Variants in HSP90AA1 observed in about 807,000 individuals in gnomAD.
HSP90AA1 encodes heat shock protein 90 alpha family class A member 1, also known as heat shock protein HSP 90-alpha.
Under a neutral mutation model 73.3 loss-of-function variants are expected in HSP90AA1, and 18 were observed. That is an observed-to-expected ratio of 0.25 (90% CI 0.17 to 0.36). The LOEUF (loss-of-function observed/expected upper bound fraction) is 0.36, where lower values mean the gene tolerates loss of function less well. Among genes scored for constraint, HSP90AA1 ranks in the 10% least tolerant of loss-of-function variants. The pLI is 1.00. For missense variants in HSP90AA1, 704 were observed against 874.2 expected, an observed-to-expected ratio of 0.81 and a Z score of 2.45; for synonymous variants, 477 against 296.9, an observed-to-expected ratio of 1.61 and a Z score of -6.24.
At chr14:102,085,653 G>A in intron 3 of HSP90AA1, 105 bp downstream of exon 3, 2 of 1,541,208 alleles carry the variant, frequency 1.3e-6, no homozygotes, top group Non-Finnish European at 1.8e-6. Flanking sequence ...CTGATCGTTG[G>A]GCAAACACAA....
chr14:102,114,231 C>A (rs368402886), intron 1 of HSP90AA1, among the ~76,000 whole-genome samples: 1 of 150,774 alleles, frequency 6.6e-6, no homozygotes, highest in Non-Finnish European at 1.5e-5. Context: ...TCAAGTGATC[C>A]GCCCACCTCG....
chr14:102,124,249 T>G (rs2049814621), intron 1 of HSP90AA1, among the ~76,000 whole-genome samples: 1 of 139,392 alleles, frequency 7.2e-6, no homozygotes, highest in Admixed American at 8.2e-5. Context: ...TGGAGCACAA[T>G]GGCACGATCT....
intron 1 of HSP90AA1, among the ~76,000 whole-genome samples, chr14:102,134,209 A>T (rs747632500): frequency 6.7e-6 from 1 of 149,994 alleles, no homozygotes; most frequent in Non-Finnish European, 1.5e-5. Flanking sequence ...ACGGTGGCAC[A>T]TGCCTGCAGT....
In HSP90AA1 at chr14:102,085,385, T is replaced by G. The variant is rs78712166; in HGVS notation, c.576A>C (p.Glu192Asp). Reference sequence around the variant, plus strand: ...GTTCCTCCAAGTACTCAGTTTGGTCTTCTTTCAGGTGTAGGATAACTTTTG... The same window carrying G: ...GTTCCTCCAAGTACTCAGTTTGGTCGTCTTTCAGGTGTAGGATAACTTTTG... ...RGTKVILHLK[E>D]DQTEYLEERR... is the part of the protein sequence containing the mutation. The change falls in exon 4 of 11, where the codon GAA (glutamate) becomes GAC (aspartate). Residue 192 changes from glutamate to aspartate, a missense_variant. Transcript: ENST00000216281. The G allele has an allele frequency of 1.5e-5, 24 of 1,613,782 alleles. No homozygotes were observed. The Admixed American group carries it at 3.2e-4, about 21-fold the overall frequency.
At chr14:102,086,167 G>T (rs375331357) in intron 2 of HSP90AA1, 43 bp from the exon 3 acceptor site, 3 of 1,603,714 alleles carry the variant, frequency 1.9e-6, no homozygotes, top group South Asian at 1.1e-5. Flanking sequence ...GCACCCCCAA[G>T]AAGTTCACAC....
intron 1 of HSP90AA1, among the ~76,000 whole-genome samples, chr14:102,128,677 C>A (rs985891566): frequency 2.0e-5 from 3 of 151,106 alleles, no homozygotes; most frequent in Non-Finnish European, 2.9e-5. Flanking sequence ...TGGTGCATGC[C>A]TGTAGTACCA....
At chr14:102,111,243 G>T (rs891678629) in intron 1 of HSP90AA1, among the ~76,000 whole-genome samples, 4 of 152,216 alleles carry the variant, frequency 2.6e-5, no homozygotes, top group African/African-American at 9.6e-5. Context: ...CACAGGCTTG[G>T]AGGCCTAGAA....
chr14:102,095,958 T>A (rs2049418752), intron 2 of HSP90AA1, among the ~76,000 whole-genome samples: 1 of 152,180 alleles, frequency 6.6e-6, no homozygotes, highest in South Asian at 2.1e-4. Flanking sequence ...TCTCTTGGTA[T>A]TCAAATCCCA....
At chr14:102,110,212 T>G (rs568463695) in intron 1 of HSP90AA1, among the ~76,000 whole-genome samples, 1 of 151,896 alleles carries the variant, frequency 6.6e-6, no homozygotes, top group African/African-American at 2.4e-5. Context: ...GGATTACAGG[T>G]GTGAGCCACC....
At chr14:102,086,842 CG>C in intron 1 of HSP90AA1, 143 bp downstream of exon 1, 1 of 327,694 alleles carries the variant, frequency 3.1e-6, no homozygotes, top group Non-Finnish European at 4.4e-6. Flanking sequence ...CCGAGGCCTC[CG>C]GAATAGAAAG....
At chr14:102,082,922 C>G (rs375036475) in intron 9 of HSP90AA1, 112 bp downstream of exon 9, 2 of 1,162,914 alleles carry the variant, frequency 1.7e-6, no homozygotes, top group East Asian at 2.3e-5. Flanking sequence ...CCCAGCCACA[C>G]ACAACATAGT....
intron 2 of HSP90AA1, chr14:102,101,734 G>T: frequency 1.4e-6 from 1 of 719,102 alleles, no homozygotes; most frequent in South Asian, 1.6e-5. Context: ...TCAATGCAGT[G>T]GATGGGTAGG....
intron 4 of HSP90AA1, 141 bp downstream of exon 4, chr14:102,085,157 G>A (rs566769589): frequency 4.1e-5 from 59 of 1,453,760 alleles, no homozygotes; most frequent in African/African-American, 5.6e-5. Context: ...ATAGCCCGAG[G>A]AACTTTTACA....
intron 2 of HSP90AA1, among the ~76,000 whole-genome samples, chr14:102,100,984 A>G (rs77942115): frequency 0.023 from 3,519 of 152,282 alleles, 80 homozygotes; most frequent in South Asian, 0.1. Flanking sequence ...GCTTCTAGTC[A>G]GTATTTTAGT....
intron 1 of HSP90AA1, among the ~76,000 whole-genome samples, chr14:102,103,028 A>C (rs2049514883): frequency 6.6e-6 from 1 of 151,888 alleles, no homozygotes; most frequent in Non-Finnish European, 1.5e-5. Context: ...AAAATACAAA[A>C]AAATTAGCCA....
rs35538974 is a variant in HSP90AA1 at position 102,139,571 on chromosome 14, G to A, written c.-167C>T. 1,088 of 749,528 alleles carry A rather than the reference G, an allele frequency of 1.5e-3. 11 individuals carry two copies. The African/African-American group carries it at 0.016, about 11-fold the overall frequency. 46.4% of individuals were successfully genotyped at this position (749,528 alleles called of 1,614,324 possible). A position where few individuals can be genotyped will look rare whatever the true frequency, so the allele number is the denominator to read the frequency against. ...AGGCTCATGACACCAGCCCCGCCGC[G>A]GTTCCCCCTGACCGGCTTTCCGCTG... On this transcript the variant is annotated 5_prime_UTR_variant, in exon 1 of 12. Coordinates refer to the HSP90AA1 transcript ENST00000334701.
At chr14:102,125,959 A>G (rs2049834042) in intron 1 of HSP90AA1, among the ~76,000 whole-genome samples, 1 of 152,198 alleles carries the variant, frequency 6.6e-6, no homozygotes, top group Admixed American at 6.6e-5. Context: ...GCTTTTATTT[A>G]AGAAAACATA....
intron 1 of HSP90AA1, among the ~76,000 whole-genome samples, chr14:102,111,534 C>T (rs2049642244): frequency 6.6e-6 from 1 of 152,232 alleles, no homozygotes; most frequent in Non-Finnish European, 1.5e-5. Context: ...AAATACACCC[C>T]TTCCAAATGG....
chr14:102,087,951 CTTTTTTTT>C (rs71116878), upstream of HSP90AA1, among the ~76,000 whole-genome samples: 10 of 92,994 alleles, frequency 1.1e-4, no homozygotes, highest in African/African-American at 4.0e-4. Flanking sequence ...TTTTTTTTTT[CTTTTTTTT>C]TTTTTTGGAC....
Sources: allele counts gnomAD v4.1 joint callset (sites outside exome capture counted in the v4.1 genomes callset), GRCh38; gene constraint gnomAD v4.1.1; transcripts MANE v1.5; gene names NCBI Gene and HGNC (gene_info 2026-07-23, HGNC 2026-07-21).